LYPLAL1: variants seen among roughly 807,000 people sequenced by gnomAD.
LYPLAL1 encodes the protein lysophospholipase like 1.
LYPLAL1 carries 23 observed loss-of-function variants against 19.7 expected under a neutral mutation model. That is an observed-to-expected ratio of 1.17 (90% CI 0.84 to 1.65). The LOEUF (loss-of-function observed/expected upper bound fraction) is 1.65, where lower values mean the gene tolerates loss of function less well. LYPLAL1 is among the 40% of genes most tolerant of loss of function. LYPLAL1 has a pLI of 0.00. For missense variants in LYPLAL1, 355 were observed against 279.4 expected, an observed-to-expected ratio of 1.27 and a Z score of -1.93; for synonymous variants, 119 against 96.3, an observed-to-expected ratio of 1.24 and a Z score of -1.38.
At chr1:219,194,751 ACATG>A (rs1444926978) in intron 3 of LYPLAL1, among the ~76,000 whole-genome samples, 2 of 152,132 alleles carry the variant, frequency 1.3e-5, no homozygotes, top group Non-Finnish European at 2.9e-5. Flanking sequence ...AGAAGTAGTC[ACATG>A]CATTTGGGGC....
chr1:219,334,946 AT>A, the LYPLAL1 span, among the ~76,000 whole-genome samples: 1 of 151,826 alleles, frequency 6.6e-6, no homozygotes, highest in African/African-American at 2.4e-5. Context: ...GGTTTTCCAA[AT>A]TTTTACCATG....
the LYPLAL1 span, among the ~76,000 whole-genome samples, chr1:219,412,805 C>G: frequency 1.3e-5 from 2 of 152,162 alleles, no homozygotes; most frequent in Admixed American, 6.5e-5. Context: ...ACAACAAAGA[C>G]AAATCAAAAT....
intron 3 of LYPLAL1, among the ~76,000 whole-genome samples, chr1:219,209,498 A>G (rs1658829594): frequency 6.6e-6 from 1 of 152,156 alleles, no homozygotes; most frequent in Non-Finnish European, 1.5e-5. Context: ...ATAAAAGATT[A>G]TTGTAGTAAA....
the LYPLAL1 span, among the ~76,000 whole-genome samples, chr1:219,318,160 A>T: frequency 6.6e-6 from 1 of 152,288 alleles, no homozygotes; most frequent in South Asian, 2.1e-4. Flanking sequence ...TTTCTCTGGG[A>T]TTAAAAAAAG....
chr1:219,196,412 G>T (rs1657605235), intron 3 of LYPLAL1, among the ~76,000 whole-genome samples: 1 of 152,116 alleles, frequency 6.6e-6, no homozygotes, highest in Admixed American at 6.6e-5. Flanking sequence ...GCATCTCATT[G>T]TGATTTTGAT....
intron 3 of LYPLAL1, among the ~76,000 whole-genome samples, chr1:219,197,778 C>G (rs1331472155): frequency 1.3e-5 from 2 of 152,094 alleles, no homozygotes; most frequent in African/African-American, 4.8e-5. Context: ...AACAAATTTA[C>G]AAGAAAAAGA....
chr1:219,260,698 A>T, the LYPLAL1 span, among the ~76,000 whole-genome samples: 10 of 149,910 alleles, frequency 6.7e-5, no homozygotes, highest in Non-Finnish European at 1.2e-4. Flanking sequence ...ATATACATAT[A>T]TACAGACACA....
the LYPLAL1 span, among the ~76,000 whole-genome samples, chr1:219,315,992 G>C: frequency 6.6e-6 from 1 of 152,070 alleles, no homozygotes; most frequent in South Asian, 2.1e-4. Context: ...AAAAAATTTG[G>C]TGAAAAGCTA....
rs879295139 is a variant in LYPLAL1 at position 219,195,336 on chromosome 1, CA to C, written c.361+2086del. ...GTAAGTAAAAGGATGAGAAGTCTGA[CA>C]TGGAGAAACCAGTATAATATAATGA... On this transcript the variant is annotated intron_variant, in intron 3 of 4. Transcript: ENST00000366928. Among the ~76,000 whole-genome samples, 1,039 of 152,074 alleles carry C rather than the reference CA, an allele frequency of 6.8e-3. 3 individuals carry two copies. The highest frequency in any genetic ancestry group is 0.01 in the Non-Finnish European group (687 of 67,982).
At chr1:219,402,109 A>T in the LYPLAL1 span, among the ~76,000 whole-genome samples, 1 of 152,340 alleles carries the variant, frequency 6.6e-6, no homozygotes, top group Non-Finnish European at 1.5e-5. Context: ...CTTGGTTTTT[A>T]AAAAGGGAAA....
At chr1:219,382,584 G>A in the LYPLAL1 span, among the ~76,000 whole-genome samples, 1 of 151,944 alleles carries the variant, frequency 6.6e-6, no homozygotes, top group South Asian at 2.1e-4. Flanking sequence ...GGACGGTCTC[G>A]ATCTCCTGAC....
At chr1:219,359,688 A>G in the LYPLAL1 span, among the ~76,000 whole-genome samples, 1 of 152,218 alleles carries the variant, frequency 6.6e-6, no homozygotes, top group Non-Finnish European at 1.5e-5. Flanking sequence ...ACAAACAGAC[A>G]CACAAAGGTA....
chr1:219,289,496 C>T, the LYPLAL1 span, among the ~76,000 whole-genome samples: 32 of 152,192 alleles, frequency 2.1e-4, no homozygotes, highest in Admixed American at 2.0e-3. Context: ...TAATAGCAGA[C>T]AGAACACGGC....
At chr1:219,412,392 C>T in the LYPLAL1 span, among the ~76,000 whole-genome samples, 3 of 152,102 alleles carry the variant, frequency 2.0e-5, no homozygotes, top group East Asian at 1.9e-4. Flanking sequence ...TGACTTTGGG[C>T]GATAACCCCT....
At chr1:219,188,605 T>C (rs552036512) in intron 2 of LYPLAL1, among the ~76,000 whole-genome samples, 2 of 151,698 alleles carry the variant, frequency 1.3e-5, no homozygotes, top group East Asian at 1.9e-4. Flanking sequence ...AACTTAAAGG[T>C]TATGAATGAA....
At chr1:219,268,624 T>C in the LYPLAL1 span, among the ~76,000 whole-genome samples, 3 of 96,692 alleles carry the variant, frequency 3.1e-5, no homozygotes, top group African/African-American at 9.6e-5. Flanking sequence ...AGTTATATGT[T>C]CTGATAAATA....
chr1:219,238,650 C>T, the LYPLAL1 span, among the ~76,000 whole-genome samples: 1 of 152,182 alleles, frequency 6.6e-6, no homozygotes, highest in African/African-American at 2.4e-5. Context: ...CCACTGCAGA[C>T]TTTGTACATA....
At chr1:219,361,909 C>T in the LYPLAL1 span, among the ~76,000 whole-genome samples, 1 of 152,064 alleles carries the variant, frequency 6.6e-6, no homozygotes, top group Non-Finnish European at 1.5e-5. Flanking sequence ...TAAGATCATA[C>T]CCTTCTAAAA....
the LYPLAL1 span, among the ~76,000 whole-genome samples, chr1:219,302,396 G>C: frequency 6.6e-6 from 1 of 152,100 alleles, no homozygotes; most frequent in Non-Finnish European, 1.5e-5. Context: ...GTTAATTTCA[G>C]CCTTATTTTT....
Sources: allele counts gnomAD v4.1 joint callset (sites outside exome capture counted in the v4.1 genomes callset), GRCh38; gene constraint gnomAD v4.1.1; transcripts MANE v1.5; gene names NCBI Gene and HGNC (gene_info 2026-07-23, HGNC 2026-07-21).